The following SLC45A4 variants were observed in gnomAD, a reference collection of about 807,000 sequenced individuals.
SLC45A4 encodes the protein solute carrier family 45 member 4.
Under a neutral mutation model 63.7 loss-of-function variants are expected in SLC45A4, and 32 were observed. The ratio of observed to expected loss-of-function variants is 0.50; its 90% CI spans 0.38 to 0.67. The LOEUF (loss-of-function observed/expected upper bound fraction) is 0.67, where lower values mean the gene tolerates loss of function less well. Ranked by LOEUF, SLC45A4 falls within the 30% of genes least tolerant of loss-of-function variation. The pLI is 0.00. For synonymous variants in SLC45A4, 535 were observed against 510.0 expected (o/e 1.05, Z -0.66); for missense variants, 1,027 against 1,157.7 (o/e 0.89, Z 1.64).
At chr8:141,302,239 T>C (rs1219693774) in intron 1 of SLC45A4, among the ~76,000 whole-genome samples, 1 of 152,194 alleles carries the variant, frequency 6.6e-6, no homozygotes, top group Non-Finnish European at 1.5e-5. Flanking sequence ...CTTAAAAATG[T>C]GTCTATAGTT....
intron 3 of SLC45A4, among the ~76,000 whole-genome samples, chr8:141,220,515 C>A (rs1316033810): frequency 6.6e-6 from 1 of 152,186 alleles, no homozygotes; most frequent in Non-Finnish European, 1.5e-5. Context: ...GAATCCAGAT[C>A]AATGTTGATG....
intron 7 of SLC45A4, among the ~76,000 whole-genome samples, chr8:141,213,364 G>T (rs948134498): frequency 1.3e-5 from 2 of 152,218 alleles, no homozygotes; most frequent in Non-Finnish European, 1.5e-5. Context: ...TAACTGTAAG[G>T]CTGCAACCAC....
chr8:141,272,994 T>C (rs1829597576), intron 1 of SLC45A4, among the ~76,000 whole-genome samples: 2 of 152,222 alleles, frequency 1.3e-5, no homozygotes. Context: ...CCTCTTCATC[T>C]TCTACCAAAA....
chr8:141,273,210 T>A (rs759415209), intron 1 of SLC45A4, among the ~76,000 whole-genome samples: 17 of 152,234 alleles, frequency 1.1e-4, no homozygotes, highest in Non-Finnish European at 2.2e-4. Flanking sequence ...TCTCCTTGAT[T>A]TGCATGATCA....
chr8:141,267,291 G>A (rs1251941348), intron 1 of SLC45A4, among the ~76,000 whole-genome samples: 13 of 152,256 alleles, frequency 8.5e-5, no homozygotes, highest in African/African-American at 2.7e-4. Flanking sequence ...GCCGTGTCCC[G>A]TGGGGCCTGC....
chr8:141,280,645 T>C (rs1019961), intron 1 of SLC45A4, among the ~76,000 whole-genome samples: 151,676 of 152,300 alleles, frequency 1, 75,530 homozygotes, highest in East Asian at 1. Context: ...GGTGCTAGGC[T>C]GGCCCACCCT....
intron 1 of SLC45A4, among the ~76,000 whole-genome samples, chr8:141,274,533 T>TC (rs1272724931): frequency 1.9e-5 from 1 of 53,360 alleles, no homozygotes; most frequent in Non-Finnish European, 4.2e-5. Context: ...AAACTCGGTC[T>TC]CAAAAAAAAA....
intron 2 of SLC45A4, chr8:141,224,604 A>C (rs1826861783): frequency 6.6e-6 from 1 of 152,272 alleles, no homozygotes; most frequent in African/African-American, 2.4e-5. Flanking sequence ...GTGCACCACC[A>C]CACCCGGCGG....
intron 1 of SLC45A4, among the ~76,000 whole-genome samples, chr8:141,268,548 G>A (rs1829377648): frequency 1.3e-5 from 2 of 152,166 alleles, no homozygotes; most frequent in African/African-American, 4.8e-5. Context: ...AGTGGGGGCA[G>A]GGGCACACGG....
In SLC45A4 at chr8:141,246,109, A is replaced by G. The variant is rs532463123; in HGVS notation, c.241+7880T>C. Among the ~76,000 whole-genome samples the G allele has an allele frequency of 2.9e-3, 443 of 152,358 alleles. 4 individuals carry two copies. The highest frequency in any genetic ancestry group is 1.0e-2 in the African/African-American group (415 of 41,574). ...GGTTTCTGCTGCGATATTTATCAATACAAACATGCTGCTTCTGTAGTACCT... is the reference window on the plus strand; with the variant it reads ...GGTTTCTGCTGCGATATTTATCAATGCAAACATGCTGCTTCTGTAGTACCT... On this transcript the variant is annotated intron_variant, in intron 2 of 8. Coordinates refer to ENST00000517878, the MANE Select transcript of SLC45A4 (RefSeq NM_001286646.2).
chr8:141,245,379 G>C (rs774537737), intron 2 of SLC45A4, among the ~76,000 whole-genome samples: 4 of 152,158 alleles, frequency 2.6e-5, no homozygotes, highest in Admixed American at 6.5e-5. Context: ...AAATGAAAGA[G>C]AAACCAGAAA....
chr8:141,260,009 C>A (rs1197573801), intron 1 of SLC45A4, among the ~76,000 whole-genome samples: 1 of 152,178 alleles, frequency 6.6e-6, no homozygotes, highest in Non-Finnish European at 1.5e-5. Context: ...CCGGCTTATG[C>A]GTCCCTGAAG....
In SLC45A4 at chr8:141,255,102, A is replaced by C. The variant is rs563109359; in HGVS notation, c.-400-473T>G. On this transcript the variant is annotated intron_variant, in intron 1 of 8. Transcript: ENST00000517878. ...GGAAAACTTTTGTTTAAAAAAGTTT[A>C]ATTTGTTAGTGACAAGGTCTCGCTC... Among the ~76,000 whole-genome samples the C allele has an allele frequency of 3.3e-5, 5 of 152,302 alleles. No homozygotes were observed. In the South Asian group the frequency reaches 1.0e-3, roughly 32 times the overall value.
chr8:141,254,343 C>T lies in SLC45A4; in HGVS notation c.-114G>A, dbSNP rs544863012. 8.9e-6 allele frequency: 11 copies of T among 1,235,072 alleles called. No homozygotes were observed. Among genetic ancestry groups the T allele is most frequent in the African/African-American group, 4.6e-5 (3 of 65,802 alleles). 76.5% of individuals were successfully genotyped at this position (1,235,072 alleles called of 1,614,324 possible). A position where few individuals can be genotyped will look rare whatever the true frequency, so the allele number is the denominator to read the frequency against. On this transcript the variant is annotated 5_prime_UTR_variant, in exon 2 of 9. Coordinates refer to ENST00000517878, the MANE Select transcript of SLC45A4 (RefSeq NM_001286646.2). This position sits in a 1 kb window ranked among gnomAD's most constrained non-coding sequence, Gnocchi z 4.5. ...CTCTTTCTGCTTCTGCTGTGTTCCT[C>T]GGGCAGGTAACACTTACATTCCTCT...
rs1037000570 is a variant in SLC45A4 at position 141,210,116 on chromosome 8, C to G, written c.*1456G>C. The G allele has an allele frequency of 6.6e-6, 1 of 152,302 alleles. No individual in the cohort carries two copies. Among genetic ancestry groups the G allele is most frequent in the Non-Finnish European group, 1.5e-5 (1 of 68,074 alleles). The allele number at this position is 152,302 out of a possible 1,614,324, so 9.4% of individuals were successfully genotyped here. On this transcript the variant is annotated 3_prime_UTR_variant, in exon 9 of 9. Coordinates refer to ENST00000517878, the MANE Select transcript of SLC45A4 (RefSeq NM_001286646.2). ...CAGGACGAGAAGCCGGAGAAACCAG[C>G]TAAGACGGGAGCTGCGCCTCGAGAT...
At position 141,218,667 on chromosome 8, in the gene SLC45A4, G is replaced by C. The variant is rs1424672115; in HGVS notation, c.973C>G (p.Leu325Val). ...DTALDLEPEL[L>V]FLHDIEPSIF... ...GAGGGCTCGATGTCGTGCAGGAACA[G>C]CAGCTCGGGCTCCAGGTCCAGCGCG... The change falls in exon 5 of 9, where the codon CTG becomes GTG. Residue 325 changes from leucine (L) to valine (V), a missense_variant. Leu to Val is a conservative substitution (Grantham distance 32). Transcript: ENST00000517878. 1 of 1,613,354 alleles carries C rather than the reference G, an allele frequency of 6.2e-7. No homozygotes were observed. Among genetic ancestry groups the C allele is most frequent in the Non-Finnish European group, 8.5e-7 (1 of 1,179,916 alleles).
rs376612191 is a variant in SLC45A4 at position 141,212,439 on chromosome 8, C to T, written c.2059G>A (p.Asp687Asn). 10 of 1,613,672 alleles carry T rather than the reference C, an allele frequency of 6.2e-6. No homozygotes were observed. The highest frequency in any genetic ancestry group is 1.7e-5 in the Admixed American group (1 of 60,000). Residue 687 changes from aspartate (D) to asparagine (N), a missense_variant, in exon 8 of 9, where the codon GAC becomes AAC. Asp to Asn is a conservative substitution (Grantham distance 23). Coordinates refer to ENST00000517878, the MANE Select transcript of SLC45A4 (RefSeq NM_001286646.2). ...ATGACGCGGACAGTCCCCACGGCGT[C>T]GACCACGCCCCCAAGGGCAGAGGCC... ...LVASALGGVV[D>N]AVGTVRVIPM... is the part of the protein sequence containing the mutation.
At chr8:141,228,204 C>T (rs1352789128) in intron 2 of SLC45A4, 11 of 1,614,006 alleles carry the variant, frequency 6.8e-6, no homozygotes, top group African/African-American at 1.3e-5. Context: ...ATTGATTTGA[C>T]CTCAGTGGAC....
chr8:141,217,364 T>C (rs1826221997), intron 5 of SLC45A4, among the ~76,000 whole-genome samples, 175 bp from the exon 6 acceptor site: 1 of 152,228 alleles, frequency 6.6e-6, no homozygotes, highest in African/African-American at 2.4e-5. Flanking sequence ...AGCATTTCCA[T>C]GCCTCCCAGA....
Sources: allele counts gnomAD v4.1 joint callset (sites outside exome capture counted in the v4.1 genomes callset), GRCh38; gene constraint gnomAD v4.1.1; non-coding constraint Gnocchi (gnomAD v3.1); transcripts MANE v1.5; gene names NCBI Gene and HGNC (gene_info 2026-07-23, HGNC 2026-07-21).